Variants in NPAS3 observed in about 807,000 individuals in gnomAD.
The protein encoded by NPAS3 is neuronal PAS domain-containing protein 3.
NPAS3 carries 14 observed loss-of-function variants against 73.1 expected under a neutral mutation model. The ratio of observed to expected loss-of-function variants is 0.19; its 90% CI spans 0.13 to 0.30. The LOEUF is 0.30. Among genes scored for constraint, NPAS3 ranks in the 10% least tolerant of loss-of-function variants. The pLI is 1.00. For missense variants in NPAS3, 1,096 were observed against 1,250.0 expected (o/e 0.88, Z 1.86); for synonymous variants, 620 against 541.5 (o/e 1.14, Z -2.01).
intron 3 of NPAS3, among the ~76,000 whole-genome samples, chr14:33,308,867 C>T (rs2042890254): frequency 6.6e-6 from 1 of 152,032 alleles, no homozygotes; most frequent in Non-Finnish European, 1.5e-5. Flanking sequence ...AGTTATAATG[C>T]TAAGGATAGC....
intron 5 of NPAS3, among the ~76,000 whole-genome samples, chr14:33,614,321 A>T (rs1443005377): frequency 6.6e-6 from 1 of 152,232 alleles, no homozygotes; most frequent in Non-Finnish European, 1.5e-5. Context: ...AACAGGCATG[A>T]CAAAGCTACC....
At chr14:33,569,818 C>A (rs528062369) in intron 5 of NPAS3, among the ~76,000 whole-genome samples, 20 of 152,250 alleles carry the variant, frequency 1.3e-4, no homozygotes, top group Admixed American at 1.1e-3. Flanking sequence ...ACTTAAAAAA[C>A]GTTTGTACTA....
At chr14:33,768,280 A>G (rs1007880011) in intron 7 of NPAS3, among the ~76,000 whole-genome samples, 1 of 152,216 alleles carries the variant, frequency 6.6e-6, no homozygotes, top group Non-Finnish European at 1.5e-5. Flanking sequence ...GAAAGGAAAC[A>G]TGAGGATCGA....
chr14:32,953,564 T>C (rs919065304), intron 1 of NPAS3, among the ~76,000 whole-genome samples: 2 of 152,124 alleles, frequency 1.3e-5, no homozygotes, highest in Non-Finnish European at 2.9e-5. Context: ...GGGTCTGTTT[T>C]CCCTAAAGAT....
rs138945367 is a variant in NPAS3 at position 33,604,100 on chromosome 14, G to A, written c.558+43890G>A. Among the ~76,000 whole-genome samples, 38 of 152,052 alleles carry A rather than the reference G, an allele frequency of 2.5e-4. No homozygotes were observed. The South Asian group carries it at 7.5e-3, about 30-fold the overall frequency. ...GAATGCTCAGTTAATCTGAAAGAAG[G>A]CAGAAAAAGAGAAGTAACCAATAGA... On this transcript the variant is annotated intron_variant, in intron 5 of 11. Transcript: ENST00000356141.
At chr14:33,549,504 G>T (rs531244649) in intron 4 of NPAS3, among the ~76,000 whole-genome samples, 1 of 152,260 alleles carries the variant, frequency 6.6e-6, no homozygotes, top group African/African-American at 2.4e-5. Context: ...AATGTGCTAG[G>T]ATTACAGGCT....
At chr14:33,341,103 T>C (rs1176093917) in intron 3 of NPAS3, among the ~76,000 whole-genome samples, 1 of 152,252 alleles carries the variant, frequency 6.6e-6, no homozygotes, top group East Asian at 1.9e-4. Flanking sequence ...GTAAATTGCA[T>C]GCATGTGTTA....
chr14:32,977,351 G>GACACACACAC (rs1389031338), intron 1 of NPAS3, among the ~76,000 whole-genome samples: 45 of 9,478 alleles, frequency 4.7e-3, no homozygotes, highest in South Asian at 0.033. Context: ...TTTTGTCTCT[G>GACACACACAC]ACACGCACAC....
chr14:33,164,839 CT>C (rs202227911), intron 2 of NPAS3, among the ~76,000 whole-genome samples: 9,778 of 141,658 alleles, frequency 0.069, 589 homozygotes, highest in African/African-American at 0.16. Context: ...ACAGGTGACT[CT>C]TTTTTTTTTT....
At chr14:33,065,187 A>G (rs1305109048) in intron 2 of NPAS3, among the ~76,000 whole-genome samples, 2 of 152,198 alleles carry the variant, frequency 1.3e-5, no homozygotes, top group South Asian at 2.1e-4. Flanking sequence ...TTATCTAGAC[A>G]TAGTACACAT....
At chr14:33,063,242 C>A (rs1304696967) in intron 2 of NPAS3, among the ~76,000 whole-genome samples, 2 of 152,150 alleles carry the variant, frequency 1.3e-5, no homozygotes, top group Non-Finnish European at 2.9e-5. Context: ...ATGCCAACGT[C>A]AGGCACTGGG....
At chr14:33,784,558 G>GCATA (rs2063082707) in intron 9 of NPAS3, among the ~76,000 whole-genome samples, 1 of 152,010 alleles carries the variant, frequency 6.6e-6, no homozygotes, top group African/African-American at 2.4e-5. Flanking sequence ...GCTTAGAAGA[G>GCATA]CATAGGAGAG....
intron 1 of NPAS3, among the ~76,000 whole-genome samples, chr14:33,037,311 G>T: frequency 6.6e-6 from 1 of 151,914 alleles, no homozygotes; most frequent in Non-Finnish European, 1.5e-5. Context: ...TATTATACTA[G>T]CCAACATATT....
At chr14:33,243,107 A>C (rs1353519972) in intron 3 of NPAS3, among the ~76,000 whole-genome samples, 1 of 152,106 alleles carries the variant, frequency 6.6e-6, no homozygotes, top group African/African-American at 2.4e-5. Flanking sequence ...GTTAAGTTTT[A>C]ATTGTTTTCT....
chr14:33,769,485 T>C (rs1290624887), intron 7 of NPAS3, among the ~76,000 whole-genome samples: 1 of 152,228 alleles, frequency 6.6e-6, no homozygotes, highest in Non-Finnish European at 1.5e-5. Flanking sequence ...ATTGCCAATT[T>C]CCATTGATTG....
chr14:33,301,489 A>G (rs890944155), intron 3 of NPAS3, among the ~76,000 whole-genome samples: 2 of 151,786 alleles, frequency 1.3e-5, no homozygotes, highest in Non-Finnish European at 2.9e-5. Flanking sequence ...AGCCTGTTAG[A>G]CAGAGTGGGA....
chr14:33,259,062 C>T (rs949577372), intron 3 of NPAS3, among the ~76,000 whole-genome samples: 15 of 152,334 alleles, frequency 9.8e-5, no homozygotes, highest in Admixed American at 7.2e-4. Flanking sequence ...ATCCGCCCTC[C>T]TCGGCCTTCC....
intron 5 of NPAS3, among the ~76,000 whole-genome samples, chr14:33,651,637 G>C (rs994456011): frequency 6.6e-6 from 1 of 152,058 alleles, no homozygotes; most frequent in South Asian, 2.1e-4. Context: ...CAGGAGACTT[G>C]TACCTTTTCT....
At chr14:33,797,720 CTGAG>C (rs1027677361) in intron 11 of NPAS3, 139 bp downstream of exon 11, 3 of 803,218 alleles carry the variant, frequency 3.7e-6, no homozygotes, top group Non-Finnish European at 6.1e-6. Context: ...CAAGTTATTA[CTGAG>C]TGTCTGCCTC....
Sources: allele counts gnomAD v4.1 joint callset (sites outside exome capture counted in the v4.1 genomes callset), GRCh38; gene constraint gnomAD v4.1.1; transcripts MANE v1.5; gene names NCBI Gene and HGNC (gene_info 2026-07-23, HGNC 2026-07-21).